ASAP1: variants seen among roughly 807,000 people sequenced by gnomAD.
ASAP1 encodes ArfGAP with SH3 domain, ankyrin repeat and PH domain 1.
A neutral mutation model predicts 145.2 loss-of-function variants in ASAP1; 43 were observed. The observed-to-expected ratio is 0.30, with a 90% confidence interval of 0.23 to 0.38. ASAP1 has a LOEUF of 0.38. ASAP1 is among the 10% of genes least tolerant of loss of function. The pLI, the probability that ASAP1 is intolerant of heterozygous loss-of-function variation, is 1.00. For missense variants in ASAP1, 1,018 were observed against 1,355.3 expected (o/e 0.75, Z 3.91); for synonymous variants, 546 against 515.5 (o/e 1.06, Z -0.80).
intron 3 of ASAP1, among the ~76,000 whole-genome samples, chr8:130,338,240 GAAGTA>G: frequency 6.6e-6 from 1 of 152,212 alleles, no homozygotes; most frequent in East Asian, 1.9e-4. Context: ...AAGTAACAGA[GAAGTA>G]AAGTAACTTG....
chr8:130,088,200 G>A (rs1463080359), intron 25 of ASAP1, among the ~76,000 whole-genome samples: 1 of 152,006 alleles, frequency 6.6e-6, no homozygotes, highest in African/African-American at 2.4e-5. Context: ...GTGCAATCTC[G>A]GCTCACCACA....
chr8:130,152,722 A>C lies in ASAP1; in HGVS notation c.1080+14T>G. On this transcript the variant is annotated intron_variant, in intron 13 of 29. Coordinates refer to ENST00000518721, the MANE Select transcript of ASAP1 (RefSeq NM_018482.4). Reference sequence around the variant, plus strand: ...CTGGCCCATGAGGCAGGGTAAATTAAGAAACATACTTACTGTGGCATGTGA... The same window carrying C: ...CTGGCCCATGAGGCAGGGTAAATTACGAAACATACTTACTGTGGCATGTGA... 1 of 1,596,804 alleles carries C rather than the reference A, an allele frequency of 6.3e-7. No individual in the cohort carries two copies. Among genetic ancestry groups the C allele is most frequent in the Non-Finnish European group, 8.6e-7 (1 of 1,167,168 alleles).
At chr8:130,355,442 T>C (rs953285964) in intron 3 of ASAP1, among the ~76,000 whole-genome samples, 4 of 152,218 alleles carry the variant, frequency 2.6e-5, no homozygotes, top group African/African-American at 9.7e-5. Context: ...TTTTTTTAAA[T>C]GAGAATTCCA....
At chr8:130,168,951 T>G (rs2097685744) in intron 10 of ASAP1, 41 bp downstream of exon 10, 2 of 1,221,064 alleles carry the variant, frequency 1.6e-6, no homozygotes, top group Non-Finnish European at 2.3e-6. Context: ...AACTTATCCA[T>G]GAAAGCAAGT....
At chr8:130,199,374 A>G (rs559974854) in intron 5 of ASAP1, among the ~76,000 whole-genome samples, 8 of 152,354 alleles carry the variant, frequency 5.3e-5, no homozygotes, top group African/African-American at 1.9e-4. Flanking sequence ...CAAGTGTTAT[A>G]GAACCTGAAC....
At chr8:130,357,115 T>G (rs537143528) in intron 3 of ASAP1, among the ~76,000 whole-genome samples, 1 of 152,338 alleles carries the variant, frequency 6.6e-6, no homozygotes, top group South Asian at 2.1e-4. Flanking sequence ...TGCTGCTCCT[T>G]GGCTTTCAGG....
rs368906113 is a variant in ASAP1 at position 130,173,148 on chromosome 8, T to C, written c.747-4081A>G. On this transcript the variant is annotated intron_variant, in intron 9 of 29. Transcript: ENST00000518721. ...GATGAACAATTTGGAGGCAAGCCCC[T>C]TGCAGAAAGTAATTTCAGGGAGGGC... Among the ~76,000 whole-genome samples the C allele has an allele frequency of 1.5e-3, 232 of 152,362 alleles. 1 individual carries two copies. The Middle Eastern group carries it at 0.024, about 16-fold the overall frequency.
intron 15 of ASAP1, among the ~76,000 whole-genome samples, chr8:130,133,262 G>T (rs938952483): frequency 6.6e-6 from 1 of 152,196 alleles, no homozygotes; most frequent in African/African-American, 2.4e-5. Flanking sequence ...CAGGCTACAG[G>T]AAAGAAGAGG....
At chr8:130,434,126 G>T (rs564318217) in intron 1 of ASAP1, among the ~76,000 whole-genome samples, 1 of 152,220 alleles carries the variant, frequency 6.6e-6, no homozygotes, top group South Asian at 2.1e-4. Context: ...GACCAACTTG[G>T]GCAACACAGC....
chr8:130,058,404 C>T (rs981888219), intron 28 of ASAP1, among the ~76,000 whole-genome samples: 1 of 152,294 alleles, frequency 6.6e-6, no homozygotes, highest in South Asian at 2.1e-4. Flanking sequence ...TCTGTACGCA[C>T]CCCCAACCCA....
intron 3 of ASAP1, among the ~76,000 whole-genome samples, chr8:130,325,638 A>G (rs528129202): frequency 6.6e-6 from 1 of 152,378 alleles, no homozygotes; most frequent in South Asian, 2.1e-4. Context: ...GTGAGACACT[A>G]ATACGTAAAC....
chr8:130,324,159 C>T (rs1343440389), intron 3 of ASAP1, among the ~76,000 whole-genome samples: 2 of 152,208 alleles, frequency 1.3e-5, no homozygotes, highest in African/African-American at 2.4e-5. Context: ...TCAGGAAGAT[C>T]TGGACGGTTC....
At chr8:130,263,756 C>A (rs1820081906) in intron 3 of ASAP1, among the ~76,000 whole-genome samples, 1 of 152,200 alleles carries the variant, frequency 6.6e-6, no homozygotes, top group South Asian at 2.1e-4. Flanking sequence ...ATTCACCATG[C>A]TATATGCATT....
intron 2 of ASAP1, among the ~76,000 whole-genome samples, chr8:130,391,591 C>A (rs1038437630): frequency 6.6e-6 from 1 of 152,164 alleles, no homozygotes; most frequent in Non-Finnish European, 1.5e-5. Context: ...TCCTGCTGCA[C>A]CTAGGCAGGT....
chr8:130,197,724 T>G (rs987284877), intron 5 of ASAP1, among the ~76,000 whole-genome samples: 2 of 152,244 alleles, frequency 1.3e-5, no homozygotes, highest in Non-Finnish European at 2.9e-5. Context: ...ATGTGTGTTC[T>G]GAGTTAGGGA....
chr8:130,250,097 C>T (rs1009627590), intron 3 of ASAP1, among the ~76,000 whole-genome samples: 1 of 152,002 alleles, frequency 6.6e-6, no homozygotes, highest in Non-Finnish European at 1.5e-5. Context: ...GATTTCCATG[C>T]AATTAAAAAG....
At chr8:130,103,929 T>C (rs1485889692) in intron 24 of ASAP1, among the ~76,000 whole-genome samples, 4 of 152,234 alleles carry the variant, frequency 2.6e-5, no homozygotes. Flanking sequence ...TCAGTTCAAA[T>C]GTAACTTCAT....
chr8:130,118,333 A>T, intron 19 of ASAP1, 87 bp from the exon 20 acceptor site: 2 of 1,411,732 alleles, frequency 1.4e-6, no homozygotes, highest in South Asian at 2.5e-5. Context: ...CCAAGTAATT[A>T]TAAGGAGCAC....
At chr8:130,439,471 C>T (rs925491495) in intron 1 of ASAP1, among the ~76,000 whole-genome samples, 1 of 152,062 alleles carries the variant, frequency 6.6e-6, no homozygotes, top group East Asian at 1.9e-4. Context: ...ATGTCTATCA[C>T]CCCCATCAAT....
Sources: gnomAD v4.1 joint callset for allele counts (sites outside exome capture counted in the v4.1 genomes callset) on GRCh38, gnomAD v4.1.1 for gene constraint, MANE v1.5 for transcripts, NCBI Gene and HGNC (gene_info 2026-07-23, HGNC 2026-07-21) for gene names.